Variants in CERS6 observed in about 807,000 individuals in gnomAD.
CERS6 encodes the protein LAG1 homolog, ceramide synthase 6.
Under a neutral mutation model 56.8 loss-of-function variants are expected in CERS6, and 26 were observed. The observed-to-expected ratio is 0.46, with a 90% CI of 0.34 to 0.63. The LOEUF (loss-of-function observed/expected upper bound fraction) is 0.63. Among genes scored for constraint, CERS6 ranks in the 30% least tolerant of loss-of-function variants. The probability of loss-of-function intolerance (pLI) is 0.01; values close to 1 mark genes in which losing one functional copy is unlikely to be tolerated. For synonymous variants in CERS6, 164 were observed against 173.3 expected (o/e 0.95, Z 0.42); for missense variants, 415 against 467.5 (o/e 0.89, Z 1.04).
intron 8 of CERS6, among the ~76,000 whole-genome samples, chr2:168,718,893 GCAGAGT>G (rs1457603043): frequency 2.1e-4 from 32 of 152,226 alleles, no homozygotes; most frequent in Admixed American, 2.1e-3. Context: ...ACAGGTAGAG[GCAGAGT>G]CAGAAAAAGA....
chr2:168,699,888 G>C (rs368223484), intron 6 of CERS6, among the ~76,000 whole-genome samples: 1 of 152,212 alleles, frequency 6.6e-6, no homozygotes, highest in Non-Finnish European at 1.5e-5. Flanking sequence ...AATTTCCAAA[G>C]GAAGCTAATA....
intron 4 of CERS6, among the ~76,000 whole-genome samples, chr2:168,690,343 A>G (rs1395607229): frequency 1.3e-5 from 2 of 152,206 alleles, no homozygotes; most frequent in African/African-American, 4.8e-5. Flanking sequence ...TTATTGGATA[A>G]TTCGGCTGTC....
At chr2:168,493,816 A>G (rs948058566) in intron 1 of CERS6, among the ~76,000 whole-genome samples, 1 of 151,026 alleles carries the variant, frequency 6.6e-6, no homozygotes, top group East Asian at 1.9e-4. Flanking sequence ...TGTAACATAC[A>G]GATTAATGTA....
intron 4 of CERS6, among the ~76,000 whole-genome samples, chr2:168,676,794 C>T (rs529587840): frequency 1.3e-5 from 2 of 152,296 alleles, no homozygotes; most frequent in East Asian, 3.9e-4. Context: ...ATTCCATCAT[C>T]TGGATGTTTA....
chr2:168,670,805 A>G (rs1261715630), intron 4 of CERS6, among the ~76,000 whole-genome samples: 2 of 152,066 alleles, frequency 1.3e-5, no homozygotes, highest in Non-Finnish European at 2.9e-5. Context: ...GTTACAAAAT[A>G]CTGTGTATTT....
chr2:168,458,374 A>G (rs1314638422), intron 1 of CERS6, among the ~76,000 whole-genome samples: 3 of 152,198 alleles, frequency 2.0e-5, no homozygotes, highest in African/African-American at 4.8e-5. Context: ...CAGGCTGTTC[A>G]CTGTGTTTAA....
intron 4 of CERS6, among the ~76,000 whole-genome samples, chr2:168,689,329 A>G (rs1419945499): frequency 6.6e-6 from 1 of 152,160 alleles, no homozygotes; most frequent in African/African-American, 2.4e-5. Context: ...GCTGTGTTGT[A>G]CCCACATTTT....
chr2:168,534,364 C>T lies in CERS6; in HGVS notation c.171-13232C>T, dbSNP rs1033926920. 2.7e-5 allele frequency among the ~76,000 whole-genome samples: 4 copies of T among 147,788 alleles called. No individual in the cohort carries two copies. In the East Asian group the frequency reaches 7.9e-4, roughly 29 times the overall value. On this transcript the variant is annotated intron_variant, in intron 1 of 9. Coordinates refer to ENST00000305747, the MANE Select transcript of CERS6 (RefSeq NM_203463.3). Reference sequence around the variant, plus strand: ...TCATCTTCGTGAGTTTGTCTAGTTTCGATCTTTGAACCTGCTAACCCTTGG... The same window carrying T: ...TCATCTTCGTGAGTTTGTCTAGTTTTGATCTTTGAACCTGCTAACCCTTGG...
intron 8 of CERS6, among the ~76,000 whole-genome samples, chr2:168,760,042 G>A (rs190472016): frequency 9.9e-4 from 151 of 152,042 alleles, no homozygotes; most frequent in Non-Finnish European, 1.7e-3. Context: ...TATAACCCAC[G>A]TGATCATCAC....
In CERS6 at chr2:168,760,738, G is replaced by GTTTGTTTATTTATTTATTTA. The variant is rs376070301; in HGVS notation, c.846-4851_846-4850insGTTTATTTATTTATTTATTT. ...AGGCTCTTTCCTGGGTTTACTGTTT[G>GTTTGTTTATTTATTTATTTA]TTTATTTATTTATTTATTTATTTAT... On this transcript the variant is annotated intron_variant, in intron 8 of 9. Transcript: ENST00000305747. Among the ~76,000 whole-genome samples the GTTTGTTTATTTATTTATTTA allele has an allele frequency of 3.9e-3, 506 of 129,334 alleles. 3 individuals carry two copies. Among genetic ancestry groups the GTTTGTTTATTTATTTATTTA allele is most frequent in the African/African-American group, 0.012 (475 of 39,318 alleles). The allele number at this position is 129,334 out of a possible 152,430, so 84.8% of individuals were successfully genotyped here.
At chr2:168,578,365 C>G (rs2105394046) in intron 3 of CERS6, among the ~76,000 whole-genome samples, 1 of 152,142 alleles carries the variant, frequency 6.6e-6, no homozygotes, top group Middle Eastern at 3.4e-3. Context: ...TCTTTTAGTT[C>G]ATTATCCAGT....
chr2:168,666,406 T>C (rs1213631669), intron 4 of CERS6, among the ~76,000 whole-genome samples: 1 of 152,210 alleles, frequency 6.6e-6, no homozygotes, highest in African/African-American at 2.4e-5. Context: ...ATTGGAATCA[T>C]ACAATATGTA....
chr2:168,512,946 G>A (rs1468959481), intron 1 of CERS6, among the ~76,000 whole-genome samples: 1 of 152,164 alleles, frequency 6.6e-6, no homozygotes, highest in African/African-American at 2.4e-5. Flanking sequence ...GATTACAGGT[G>A]TGAGCTGCTG....
At chr2:168,463,514 A>C (rs932098632) in intron 1 of CERS6, among the ~76,000 whole-genome samples, 1 of 152,176 alleles carries the variant, frequency 6.6e-6, no homozygotes, top group African/African-American at 2.4e-5. Context: ...AAAAGGATAA[A>C]TGTTTTAGTG....
intron 4 of CERS6, among the ~76,000 whole-genome samples, chr2:168,659,991 T>C (rs921141855): frequency 7.2e-5 from 11 of 152,216 alleles, no homozygotes; most frequent in African/African-American, 2.7e-4. Context: ...TCAAATGGAA[T>C]ACAAACGTGG....
chr2:168,587,569 T>C (rs115561219), intron 3 of CERS6, among the ~76,000 whole-genome samples: 1 of 152,334 alleles, frequency 6.6e-6, no homozygotes, highest in African/African-American at 2.4e-5. Context: ...CTTTTTCTTC[T>C]CTGTTTCCTT....
At chr2:168,690,949 T>C (rs1410960415) in intron 4 of CERS6, 85 bp from the exon 5 acceptor site, 3 of 1,228,016 alleles carry the variant, frequency 2.4e-6, no homozygotes, top group Admixed American at 1.8e-5. Flanking sequence ...TCCAAAAATA[T>C]TAGGGCAAGA....
chr2:168,563,891 C>CG (rs5836190), intron 3 of CERS6, among the ~76,000 whole-genome samples: 2,846 of 152,156 alleles, frequency 0.019, 126 homozygotes, highest in East Asian at 0.18. Flanking sequence ...TTGGGGTGCA[C>CG]GGGGGGTTTG....
chr2:168,526,193 T>G (rs949081550), intron 1 of CERS6, among the ~76,000 whole-genome samples: 3 of 152,232 alleles, frequency 2.0e-5, no homozygotes, highest in African/African-American at 7.2e-5. Flanking sequence ...AAGAGCCAAG[T>G]GAATATTTCA....
Sources: gnomAD v4.1 joint callset for allele counts (sites outside exome capture counted in the v4.1 genomes callset) on GRCh38, gnomAD v4.1.1 for gene constraint, MANE v1.5 for transcripts, NCBI Gene and HGNC (gene_info 2026-07-23, HGNC 2026-07-21) for gene names.